Variants in MAPK6 observed in about 807,000 individuals in gnomAD.
The protein encoded by MAPK6 is ERK-3.
In MAPK6, 19 loss-of-function variants were observed where a neutral mutation model predicts 59.3. The ratio of observed to expected loss-of-function variants is 0.32; its 90% confidence interval spans 0.22 to 0.47. The LOEUF (loss-of-function observed/expected upper bound fraction) is 0.47. Among genes scored for constraint, MAPK6 ranks in the 20% least tolerant of loss-of-function variants. The pLI is 1.00. For synonymous variants in MAPK6, 316 were observed against 290.3 expected (o/e 1.09, Z -0.90); for missense variants, 724 against 847.9 (o/e 0.85, Z 1.81).
chr15:52,058,706 G>T lies in MAPK6; in HGVS notation c.774G>T (p.Glu258Asp). Residue 258 changes from glutamate (E) to aspartate (D), a missense_variant, in exon 4 of 6, where the codon GAG (glutamate) becomes GAT (aspartate). Around this residue, in one of 4 missense-constraint regions of MAPK6, gnomAD observed 105 missense variants for 191.9 expected, o/e 0.55. Transcript: ENST00000261845. Reference sequence around the variant, plus strand: ...TTGTACATGAGGAAGATCGTCAGGAGCTTCTCAGCGTAATTCCAGTTTACA... The same window carrying T: ...TTGTACATGAGGAAGATCGTCAGGATCTTCTCAGCGTAATTCCAGTTTACA... ...IPVVHEEDRQELLSVIPVYIR... is the reference protein window; with the variant it reads ...IPVVHEEDRQDLLSVIPVYIR... 6.2e-7 allele frequency: 1 copy of T among 1,613,566 alleles called. No individual in the cohort carries two copies. The highest frequency in any genetic ancestry group is 1.3e-5 in the African/African-American group (1 of 75,022).
chr15:51,973,433 C>T (rs1321649995), intron 1 of MAPK6, among the ~76,000 whole-genome samples: 1 of 152,062 alleles, frequency 6.6e-6, no homozygotes, highest in African/African-American at 2.4e-5. Flanking sequence ...CCTCAAACTC[C>T]TGGCCTCAAG....
At chr15:51,974,604 A>G (rs184093039) in intron 1 of MAPK6, among the ~76,000 whole-genome samples, 1,700 of 133,574 alleles carry the variant, frequency 0.013, 31 homozygotes, top group Non-Finnish European at 0.019. Flanking sequence ...GCTTGCAGTG[A>G]GCTGAGATCA....
At chr15:52,008,304 C>T (rs1024547165) in intron 3 of MAPK6, among the ~76,000 whole-genome samples, 6 of 152,058 alleles carry the variant, frequency 3.9e-5, no homozygotes, top group South Asian at 2.1e-4. Context: ...GATAGGGTAC[C>T]GTGGTCTTTT....
At chr15:51,976,799 C>A (rs113941571) in intron 1 of MAPK6, among the ~76,000 whole-genome samples, 1 of 151,240 alleles carries the variant, frequency 6.6e-6, no homozygotes, top group Non-Finnish European at 1.5e-5. Context: ...AAAAATTAGC[C>A]GGGCTTGGCG....
chr15:52,024,409 T>C (rs2030669044), intron 1 of MAPK6, among the ~76,000 whole-genome samples: 1 of 151,278 alleles, frequency 6.6e-6, no homozygotes, highest in Non-Finnish European at 1.5e-5. Context: ...TTTCTTTTTT[T>C]TTTTTTTTGG....
chr15:52,024,167 T>A (rs1460231448), intron 1 of MAPK6, among the ~76,000 whole-genome samples: 2 of 152,214 alleles, frequency 1.3e-5, no homozygotes, highest in African/African-American at 4.8e-5. Context: ...CATAAAACTT[T>A]AAAATATTAG....
intron 1 of MAPK6, among the ~76,000 whole-genome samples, chr15:52,043,742 A>ATTTTG (rs2031504777): frequency 2.5e-5 from 1 of 40,630 alleles, no homozygotes; most frequent in Non-Finnish European, 4.4e-5. Context: ...AAGTTGTTTG[A>ATTTTG]TTTTTTTTTT....
intron 1 of MAPK6, among the ~76,000 whole-genome samples, chr15:52,035,361 G>A (rs746805843): frequency 5.9e-5 from 9 of 152,184 alleles, no homozygotes; most frequent in Non-Finnish European, 1.0e-4. Context: ...AGGGGGCCGG[G>A]CAGTGGCTCA....
intron 3 of MAPK6, among the ~76,000 whole-genome samples, chr15:52,055,546 C>T (rs766872451): frequency 1.2e-4 from 18 of 152,182 alleles, no homozygotes; most frequent in Non-Finnish European, 2.2e-4. Context: ...GGAGGAGTCT[C>T]GCTCTGTCGC....
chr15:52,017,502 T>C (rs2030307815), upstream of MAPK6: 1 of 152,378 alleles, frequency 6.6e-6, no homozygotes, highest in Non-Finnish European at 1.5e-5. Context: ...TCATTTTTTT[T>C]GTGGATCTTC....
chr15:52,061,508 G>T lies in MAPK6; in HGVS notation c.1067+8G>T. 1 of 1,596,912 alleles carries T rather than the reference G, an allele frequency of 6.3e-7. No individual in the cohort carries two copies. The highest frequency in any genetic ancestry group is 1.1e-5 in the South Asian group (1 of 90,444). On this transcript the variant is annotated splice_region_variant and intron_variant, in intron 5 of 5. Transcript: ENST00000261845. ...CATTTATAACTGGGAAAGGTAAATT[G>T]ATCCTAAATTAGAAAAATAATATTT...
At chr15:52,016,614 C>G (rs966856298), upstream of MAPK6, among the ~76,000 whole-genome samples, 3 of 152,182 alleles carry the variant, frequency 2.0e-5, no homozygotes, top group African/African-American at 7.2e-5. Flanking sequence ...GCCCTCTGTT[C>G]TACTGAGTTT....
At chr15:51,996,466 G>A (rs2057224463) in intron 2 of MAPK6, among the ~76,000 whole-genome samples, 1 of 152,078 alleles carries the variant, frequency 6.6e-6, no homozygotes, top group Non-Finnish European at 1.5e-5. Context: ...TGCAATCTTG[G>A]CTCACTGCAA....
chr15:52,000,109 G>GTTTT, intron 2 of MAPK6, among the ~76,000 whole-genome samples: 1 of 145,106 alleles, frequency 6.9e-6, no homozygotes, highest in African/African-American at 2.5e-5. Flanking sequence ...GGCTAATTTT[G>GTTTT]TTTTTTTTTT....
At chr15:52,003,194 A>T (rs1166124333) in intron 2 of MAPK6, among the ~76,000 whole-genome samples, 1 of 152,128 alleles carries the variant, frequency 6.6e-6, no homozygotes, top group African/African-American at 2.4e-5. Flanking sequence ...TCTTAAAAAA[A>T]AAACCAAAAA....
intron 4 of MAPK6, 30 bp from the exon 5 acceptor site, chr15:52,061,269 T>G (rs202025741): frequency 1.3e-6 from 2 of 1,547,632 alleles, no homozygotes; most frequent in Non-Finnish European, 1.8e-6. Context: ...GCAATTCTTT[T>G]CTGAAAAACT....
chr15:51,973,878 C>T (rs2254294), intron 1 of MAPK6, among the ~76,000 whole-genome samples: 1 of 151,878 alleles, frequency 6.6e-6, no homozygotes. Context: ...TCTCAAACTC[C>T]TGACCTCAGG....
At chr15:52,008,967 T>G (rs1212348858) in intron 3 of MAPK6, among the ~76,000 whole-genome samples, 2 of 151,856 alleles carry the variant, frequency 1.3e-5, no homozygotes, top group East Asian at 1.9e-4. Context: ...AAATGGGAGG[T>G]GAGAGGCAGG....
chr15:52,024,960 G>A (rs903372171), intron 1 of MAPK6, among the ~76,000 whole-genome samples: 9 of 141,326 alleles, frequency 6.4e-5, no homozygotes, highest in Admixed American at 2.4e-4. Flanking sequence ...GCCTCCTAAC[G>A]TGCTGGGAAG....
Sources: gnomAD v4.1 joint callset for allele counts (sites outside exome capture counted in the v4.1 genomes callset) on GRCh38, gnomAD v4.1.1 for gene constraint, gnomAD v4.1.1 regional missense constraint, MANE v1.5 for transcripts, NCBI Gene and HGNC (gene_info 2026-07-23, HGNC 2026-07-21) for gene names.